SLC44A5: variants seen among roughly 807,000 people sequenced by gnomAD.
SLC44A5 encodes solute carrier family 44 member 5, also known as choline transporter-like protein 5.
Under a neutral mutation model 101.8 loss-of-function variants are expected in SLC44A5, and 57 were observed. That is an observed-to-expected ratio of 0.56 (90% confidence interval 0.45 to 0.70). The LOEUF (loss-of-function observed/expected upper bound fraction) is 0.70. Among genes scored for constraint, SLC44A5 ranks in the 30% least tolerant of loss-of-function variants. The probability of loss-of-function intolerance (pLI) is 0.00; values close to 1 mark genes in which losing one functional copy is unlikely to be tolerated. For missense variants in SLC44A5, 737 were observed against 853.1 expected (o/e 0.86, Z 1.70); for synonymous variants, 281 against 290.9 (o/e 0.97, Z 0.35).
intron 2 of SLC44A5, among the ~76,000 whole-genome samples, chr1:75,486,209 G>A (rs1668141391): frequency 1.3e-5 from 2 of 152,124 alleles, no homozygotes; most frequent in South Asian, 4.1e-4. Flanking sequence ...AATGCCTGTT[G>A]CTAAGAGAAT....
At chr1:75,546,587 T>C (rs1346406812) in intron 1 of SLC44A5, among the ~76,000 whole-genome samples, 1 of 152,192 alleles carries the variant, frequency 6.6e-6, no homozygotes, top group Admixed American at 6.5e-5. Flanking sequence ...AATTTTTACA[T>C]TTCCAATGTA....
Position 75,213,974 on chromosome 1 carries a change from A to G in SLC44A5, c.1818T>C (p.Asp606=). Residue 606 remains aspartate (D), a synonymous_variant, in exon 21 of 24, where the codon GAT becomes GAC. Coordinates refer to ENST00000370859, the MANE Select transcript of SLC44A5 (RefSeq NM_001130058.2). ...GGAATAATACAAAGTATGTAACTTC[A>G]TCTGTAACTGCAACTCTGAGTATCA... is the stretch of plus-strand genomic sequence containing the variant. The part of the protein sequence containing the change: ...MRNVLKVAVT[D]EVTYFVLFLG... 2 of 1,591,110 alleles carry G rather than the reference A, an allele frequency of 1.3e-6. No homozygotes were observed. The highest frequency in any genetic ancestry group is 1.7e-6 in the Non-Finnish European group (2 of 1,164,356).
At chr1:75,538,522 C>T (rs570387772) in intron 2 of SLC44A5, among the ~76,000 whole-genome samples, 69 of 152,252 alleles carry the variant, frequency 4.5e-4, no homozygotes, top group African/African-American at 1.5e-3. Flanking sequence ...GAAGATAAGG[C>T]ATAGCATTTA....
chr1:75,483,480 T>C (rs1393597980), intron 2 of SLC44A5, among the ~76,000 whole-genome samples: 3 of 152,168 alleles, frequency 2.0e-5, no homozygotes, highest in Non-Finnish European at 2.9e-5. Flanking sequence ...TTAGAAAATA[T>C]GTTAAGGAAA....
chr1:75,274,940 A>G lies in SLC44A5; in HGVS notation c.260+18T>C. ...TTTAGACAGTAAAATCACACAAAGC[A>G]AAGGTGGCCATACTCACTCATTGGG... On this transcript the variant is annotated intron_variant, in intron 6 of 23. Transcript: ENST00000370859. 6.2e-7 allele frequency: 1 copy of G among 1,600,128 alleles called. No individual in the cohort carries two copies. The highest frequency in any genetic ancestry group is 8.6e-7 in the Non-Finnish European group (1 of 1,169,098).
At chr1:75,443,415 G>A (rs1423584333) in intron 2 of SLC44A5, among the ~76,000 whole-genome samples, 1 of 151,216 alleles carries the variant, frequency 6.6e-6, no homozygotes, top group South Asian at 2.1e-4. Context: ...ATATGAAAGG[G>A]GTGTATAACT....
intron 4 of SLC44A5, among the ~76,000 whole-genome samples, chr1:75,329,437 C>T (rs1656854799): frequency 7.3e-6 from 1 of 137,634 alleles, no homozygotes; most frequent in African/African-American, 2.5e-5. Flanking sequence ...CTCCAAGAAA[C>T]ATTTCTTGAT....
chr1:75,540,403 T>C (rs1255346128), intron 2 of SLC44A5, among the ~76,000 whole-genome samples: 4 of 152,160 alleles, frequency 2.6e-5, no homozygotes. Context: ...CAAGAAGCAA[T>C]CCACAGTCAA....
intron 1 of SLC44A5, among the ~76,000 whole-genome samples, chr1:75,555,151 A>T (rs113220098): frequency 2.4e-4 from 37 of 152,264 alleles, no homozygotes; most frequent in African/African-American, 8.9e-4. Context: ...ATTGTGCCAC[A>T]TGAAAGAAAT....
At chr1:75,706,341 G>T in the SLC44A5 span, among the ~76,000 whole-genome samples, 2 of 152,172 alleles carry the variant, frequency 1.3e-5, no homozygotes, top group East Asian at 3.9e-4. Context: ...AAAAAAATTT[G>T]ATGAGGTTCT....
intron 1 of SLC44A5, among the ~76,000 whole-genome samples, chr1:75,559,109 T>C (rs1288376641): frequency 6.6e-6 from 1 of 152,004 alleles, no homozygotes; most frequent in Non-Finnish European, 1.5e-5. Flanking sequence ...GTACAAACTA[T>C]TAGAAACTAC....
chr1:75,715,120 A>G, the SLC44A5 span, among the ~76,000 whole-genome samples: 1 of 152,212 alleles, frequency 6.6e-6, no homozygotes, highest in Non-Finnish European at 1.5e-5. Flanking sequence ...GAGAATTACA[A>G]AACACTGCTC....
chr1:75,213,892 T>TTA (rs745746940), intron 21 of SLC44A5, 27 bp downstream of exon 21: 56 of 1,547,414 alleles, frequency 3.6e-5, no homozygotes, highest in Non-Finnish European at 4.3e-5. Flanking sequence ...AACTTTTTTT[T>TTA]TTATTATTTT....
At chr1:75,640,170 C>A in the SLC44A5 span, among the ~76,000 whole-genome samples, 1 of 152,032 alleles carries the variant, frequency 6.6e-6, no homozygotes, top group Admixed American at 6.6e-5. Context: ...TCTTGCCAAG[C>A]CTAACTCATG....
intron 1 of SLC44A5, among the ~76,000 whole-genome samples, chr1:75,545,994 A>AT (rs1241206258): frequency 2.0e-5 from 3 of 151,212 alleles, no homozygotes; most frequent in Admixed American, 6.6e-5. Flanking sequence ...CACCAAGCTA[A>AT]TTTTTTTTGC....
At chr1:75,250,576 C>T (rs192886441) in intron 7 of SLC44A5, among the ~76,000 whole-genome samples, 2 of 152,082 alleles carry the variant, frequency 1.3e-5, no homozygotes, top group Admixed American at 6.6e-5. Flanking sequence ...AGGGATGCGA[C>T]CACTTATAAC....
At chr1:75,452,569 A>T (rs1665965632) in intron 2 of SLC44A5, among the ~76,000 whole-genome samples, 1 of 152,168 alleles carries the variant, frequency 6.6e-6, no homozygotes, top group Non-Finnish European at 1.5e-5. Flanking sequence ...TTAAATGTAA[A>T]TAGTCTAAAT....
At chr1:75,637,793 A>G in the SLC44A5 span, among the ~76,000 whole-genome samples, 1 of 151,996 alleles carries the variant, frequency 6.6e-6, no homozygotes, top group Non-Finnish European at 1.5e-5. Flanking sequence ...AAAATATTTT[A>G]TTGGGAAAAT....
At chr1:75,668,468 G>T in the SLC44A5 span, among the ~76,000 whole-genome samples, 1 of 150,470 alleles carries the variant, frequency 6.6e-6, no homozygotes, top group South Asian at 2.1e-4. Flanking sequence ...AGGATTACAG[G>T]TATATGACAC....
Sources: allele counts gnomAD v4.1 joint callset (sites outside exome capture counted in the v4.1 genomes callset), GRCh38; gene constraint gnomAD v4.1.1; transcripts MANE v1.5; gene names NCBI Gene and HGNC (gene_info 2026-07-23, HGNC 2026-07-21).